CNTN6: variants seen among roughly 807,000 people sequenced by gnomAD.
CNTN6 encodes contactin 6.
CNTN6 carries 137 observed loss-of-function variants against 122.8 expected under a neutral mutation model. The observed-to-expected ratio is 1.12, with a 90% CI of 0.97 to 1.29. The LOEUF (loss-of-function observed/expected upper bound fraction) is 1.29. CNTN6 is among the 50% of genes most tolerant of loss of function. The pLI, the probability that CNTN6 is intolerant of heterozygous loss-of-function variation, is 0.00. For missense variants in CNTN6, 1,634 were observed against 1,223.4 expected, an observed-to-expected ratio of 1.34 and a Z score of -5.01; for synonymous variants, 570 against 426.0, an observed-to-expected ratio of 1.34 and a Z score of -4.16.
chr3:1,170,345 A>T (rs975095364), intron 2 of CNTN6, among the ~76,000 whole-genome samples: 3 of 152,052 alleles, frequency 2.0e-5, no homozygotes, highest in Non-Finnish European at 4.4e-5. Context: ...AGAAAGGACA[A>T]TAAGTGTTAT....
intron 7 of CNTN6, among the ~76,000 whole-genome samples, chr3:1,309,975 T>C (rs1484123963): frequency 6.6e-6 from 1 of 152,228 alleles, no homozygotes; most frequent in East Asian, 1.9e-4. Context: ...CTTTGATATA[T>C]TAACATTGTA....
At chr3:1,334,052 G>T (rs1702698754) in intron 11 of CNTN6, among the ~76,000 whole-genome samples, 1 of 152,146 alleles carries the variant, frequency 6.6e-6, no homozygotes, top group African/African-American at 2.4e-5. Flanking sequence ...TGTTTTAAGA[G>T]TTCTGTTCCT....
intron 4 of CNTN6, among the ~76,000 whole-genome samples, chr3:1,242,875 T>A (rs546368345): frequency 1.2e-4 from 19 of 152,184 alleles, no homozygotes; most frequent in South Asian, 1.2e-3. Flanking sequence ...TCAGGGGTTT[T>A]GAAGCCTGGC....
chr3:1,291,390 A>C (rs1695297845), intron 5 of CNTN6, among the ~76,000 whole-genome samples: 1 of 152,192 alleles, frequency 6.6e-6, no homozygotes, highest in African/African-American at 2.4e-5. Flanking sequence ...GGAGAGAGGA[A>C]AATTACAGTC....
At chr3:1,096,247 C>A (rs1280651113) in intron 1 of CNTN6, among the ~76,000 whole-genome samples, 1 of 151,510 alleles carries the variant, frequency 6.6e-6, no homozygotes, top group African/African-American at 2.4e-5. Flanking sequence ...CTACATGATT[C>A]TTTTGTTGTG....
At chr3:1,254,333 C>G (rs1403442804) in intron 4 of CNTN6, among the ~76,000 whole-genome samples, 2 of 152,062 alleles carry the variant, frequency 1.3e-5, no homozygotes, top group African/African-American at 2.4e-5. Context: ...CTTTTTCACT[C>G]TACATTCAGT....
intron 7 of CNTN6, among the ~76,000 whole-genome samples, chr3:1,303,958 G>C (rs1697888663): frequency 6.6e-6 from 1 of 152,004 alleles, no homozygotes; most frequent in Non-Finnish European, 1.5e-5. Context: ...TGTCTTCCAG[G>C]CCTATTTGAG....
At chr3:1,376,893 C>G (rs542269375) in intron 16 of CNTN6, 112 bp from the exon 17 acceptor site, 1 of 663,988 alleles carries the variant, frequency 1.5e-6, no homozygotes, top group South Asian at 2.1e-5. Flanking sequence ...GCAAGACTCT[C>G]TCACAGTATG....
chr3:1,314,663 T>G (rs924479823), intron 7 of CNTN6, among the ~76,000 whole-genome samples: 1 of 152,078 alleles, frequency 6.6e-6, no homozygotes, highest in Non-Finnish European at 1.5e-5. Flanking sequence ...CAGATAAAAT[T>G]AATAGGATGC....
intron 3 of CNTN6, 127 bp from the exon 4 acceptor site, chr3:1,227,691 T>C: frequency 7.1e-6 from 7 of 981,222 alleles, no homozygotes; most frequent in Admixed American, 5.1e-5. Flanking sequence ...CTGGTAGGAT[T>C]ACCTCCACAT....
chr3:1,373,583 T>A, intron 14 of CNTN6, 21 bp from the exon 15 acceptor site: 1 of 1,608,626 alleles, frequency 6.2e-7, no homozygotes, highest in Non-Finnish European at 8.5e-7. Flanking sequence ...AATGGAGTCA[T>A]GATAAAACAT....
Position 1,148,058 on chromosome 3 carries a change from C to A in CNTN6, c.50C>A (p.Ser17Tyr), listed in dbSNP as rs762441056. 1.7e-4 allele frequency: 274 copies of A among 1,606,470 alleles called. No homozygotes were observed. Among genetic ancestry groups the A allele is most frequent in the Non-Finnish European group, 2.2e-4 (264 of 1,174,304 alleles). The change falls in exon 2 of 23, where the codon TCT becomes TAT. Residue 17 changes from serine (S) to tyrosine (Y), a missense_variant. Ser to Tyr is a moderately radical substitution (Grantham distance 144, BLOSUM62 -2). Coordinates refer to ENST00000446702, the MANE Select transcript of CNTN6 (RefSeq NM_001289080.2). ...LVILLPLINS[S>Y]AGDGLLSRPI... The stretch of plus-strand genomic sequence containing the variant: ...ATTCTGCTGCCACTCATAAACTCTT[C>A]TGCAGGTAAAGTGTTCTATTATTAT...
At chr3:1,233,847 A>C (rs977320247) in intron 4 of CNTN6, among the ~76,000 whole-genome samples, 18 of 152,002 alleles carry the variant, frequency 1.2e-4, no homozygotes, top group Admixed American at 9.8e-4. Context: ...CATAGCACAC[A>C]TACTTAGGGG....
intron 11 of CNTN6, among the ~76,000 whole-genome samples, chr3:1,335,468 C>T (rs540314832): frequency 3.3e-5 from 5 of 152,234 alleles, no homozygotes; most frequent in African/African-American, 1.2e-4. Context: ...ATCTACTTAG[C>T]AAGTGAACTG....
At chr3:1,135,019 C>G (rs1205198547) in intron 1 of CNTN6, among the ~76,000 whole-genome samples, 1 of 151,948 alleles carries the variant, frequency 6.6e-6, no homozygotes, top group Non-Finnish European at 1.5e-5. Flanking sequence ...AGGTTGGACC[C>G]CCATGCCCCA....
chr3:1,388,822 GATGAAATGA>G (rs761612638), intron 20 of CNTN6, among the ~76,000 whole-genome samples: 7 of 148,790 alleles, frequency 4.7e-5, no homozygotes, highest in African/African-American at 7.5e-5. Context: ...AGCAATGGAA[GATGAAATGA>G]ATGAAATGAA....
intron 1 of CNTN6, among the ~76,000 whole-genome samples, chr3:1,135,745 A>G (rs371088699): frequency 9.4e-4 from 143 of 152,214 alleles, no homozygotes; most frequent in African/African-American, 3.3e-3. Flanking sequence ...TAATCCCAGC[A>G]TTTTGGGAGG....
At chr3:1,219,061 A>G (rs2094168884) in intron 2 of CNTN6, among the ~76,000 whole-genome samples, 1 of 152,272 alleles carries the variant, frequency 6.6e-6, no homozygotes, top group African/African-American at 2.4e-5. Context: ...CCAAAATAAG[A>G]AACCTTGGAT....
At chr3:1,168,774 C>T (rs2093306753) in intron 2 of CNTN6, among the ~76,000 whole-genome samples, 1 of 152,034 alleles carries the variant, frequency 6.6e-6, no homozygotes, top group Non-Finnish European at 1.5e-5. Context: ...TCTCTCTAAG[C>T]ACAGAGCAAT....
Sources: gnomAD v4.1 joint callset for allele counts (sites outside exome capture counted in the v4.1 genomes callset) on GRCh38, gnomAD v4.1.1 for gene constraint, MANE v1.5 for transcripts, NCBI Gene and HGNC (gene_info 2026-07-23, HGNC 2026-07-21) for gene names.